The following CADM2 variants were observed in gnomAD, a reference collection of about 807,000 sequenced individuals.
The protein encoded by CADM2 is cell adhesion molecule 2.
Under a neutral mutation model 49.8 loss-of-function variants are expected in CADM2, and 12 were observed. That is an observed-to-expected ratio of 0.24 (90% confidence interval 0.15 to 0.39). CADM2 has a LOEUF of 0.39. Ranked by LOEUF, CADM2 falls within the 10% of genes least tolerant of loss-of-function variation. The pLI is 1.00. For synonymous variants in CADM2, 214 were observed against 175.4 expected (o/e 1.22, Z -1.74); for missense variants, 378 against 492.3 (o/e 0.77, Z 2.20).
intron 1 of CADM2, among the ~76,000 whole-genome samples, chr3:85,147,275 CAAAAAAAAAAAAAAAAAA>C (rs759888985): frequency 4.4e-5 from 2 of 45,964 alleles, no homozygotes; most frequent in Non-Finnish European, 5.1e-5. Flanking sequence ...GACTCTGTCT[CAAAAAAAAAAAAAAAAAA>C]AAAAAAAAAA....
At chr3:85,129,763 A>T (rs1345404207) in intron 1 of CADM2, among the ~76,000 whole-genome samples, 3 of 152,214 alleles carry the variant, frequency 2.0e-5, no homozygotes, top group African/African-American at 7.2e-5. Flanking sequence ...CTGTGATCCC[A>T]CACTTTACGT....
chr3:85,943,150 T>A (rs1329345924), intron 7 of CADM2, among the ~76,000 whole-genome samples: 2 of 151,090 alleles, frequency 1.3e-5, no homozygotes, highest in African/African-American at 4.9e-5. Flanking sequence ...GAAGTGTCTG[T>A]TCATGTCCTT....
intron 1 of CADM2, among the ~76,000 whole-genome samples, chr3:85,318,165 G>A (rs549431891): frequency 7.1e-6 from 1 of 140,622 alleles, no homozygotes; most frequent in African/African-American, 2.9e-5. Context: ...GTGAGACCCT[G>A]TCTCAGAAAA....
chr3:85,628,133 G>A (rs558449975), intron 1 of CADM2, among the ~76,000 whole-genome samples: 3 of 152,050 alleles, frequency 2.0e-5, no homozygotes, highest in South Asian at 2.1e-4. Context: ...ATACTGAATC[G>A]TAATGAATGA....
At chr3:85,940,313 T>C (rs1358833259) in intron 7 of CADM2, among the ~76,000 whole-genome samples, 1 of 151,972 alleles carries the variant, frequency 6.6e-6, no homozygotes, top group Non-Finnish European at 1.5e-5. Flanking sequence ...AACTCCAGAC[T>C]GGGCAACAAG....
chr3:85,086,953 T>C (rs2037405709), intron 1 of CADM2, among the ~76,000 whole-genome samples: 1 of 152,208 alleles, frequency 6.6e-6, no homozygotes, highest in Non-Finnish European at 1.5e-5. Context: ...TTGTACAGTT[T>C]TCTGAGAATC....
At chr3:85,201,656 AC>A (rs2041504759) in intron 1 of CADM2, among the ~76,000 whole-genome samples, 1 of 152,138 alleles carries the variant, frequency 6.6e-6, no homozygotes, top group Non-Finnish European at 1.5e-5. Context: ...ATCCTCTCTA[AC>A]CCTACCACTG....
At chr3:85,508,006 T>C (rs2040434971) in intron 1 of CADM2, among the ~76,000 whole-genome samples, 1 of 152,192 alleles carries the variant, frequency 6.6e-6, no homozygotes, top group Non-Finnish European at 1.5e-5. Flanking sequence ...TCCTTATCAA[T>C]AGTAATGATT....
intron 1 of CADM2, among the ~76,000 whole-genome samples, chr3:85,276,611 C>A (rs992322626): frequency 1.3e-5 from 2 of 150,948 alleles, no homozygotes; most frequent in African/African-American, 4.9e-5. Context: ...AATCACGATA[C>A]TATTAGGCTA....
intron 1 of CADM2, among the ~76,000 whole-genome samples, chr3:85,311,322 G>A (rs941769594): frequency 2.0e-5 from 3 of 150,664 alleles, no homozygotes; most frequent in African/African-American, 7.3e-5. Context: ...ACTTTTGTTT[G>A]GATGCATTGG....
intron 8 of CADM2, among the ~76,000 whole-genome samples, chr3:86,008,640 G>A (rs1731086178): frequency 6.6e-6 from 1 of 151,934 alleles, no homozygotes; most frequent in Non-Finnish European, 1.5e-5. Context: ...GATTTAGAGG[G>A]CTAAATTTTA....
intron 1 of CADM2, among the ~76,000 whole-genome samples, chr3:85,171,401 A>G (rs1183552687): frequency 6.6e-6 from 1 of 152,222 alleles, no homozygotes; most frequent in Admixed American, 6.5e-5. Context: ...TTATTACAGC[A>G]TGACAAAATG....
At chr3:85,300,355 C>A (rs192748315) in intron 1 of CADM2, among the ~76,000 whole-genome samples, 179 of 152,162 alleles carry the variant, frequency 1.2e-3, no homozygotes, top group African/African-American at 4.0e-3. Flanking sequence ...ATTGTTCTTT[C>A]TATTTTTTGT....
intron 1 of CADM2, among the ~76,000 whole-genome samples, chr3:85,575,802 A>G (rs1467369434): frequency 6.6e-6 from 1 of 152,202 alleles, no homozygotes; most frequent in Non-Finnish European, 1.5e-5. Flanking sequence ...TATTACAGAT[A>G]GATTTTAAAA....
chr3:85,957,571 C>A (rs1724216519), intron 7 of CADM2, among the ~76,000 whole-genome samples: 1 of 151,772 alleles, frequency 6.6e-6, no homozygotes, highest in African/African-American at 2.4e-5. Context: ...ATCAGTTTTT[C>A]ATGAGACACC....
At chr3:85,835,469 A>G (rs2074368391) in intron 3 of CADM2, among the ~76,000 whole-genome samples, 1 of 151,240 alleles carries the variant, frequency 6.6e-6, no homozygotes, top group Admixed American at 6.6e-5. Flanking sequence ...TACTGAGTCT[A>G]TAGGCAAAAC....
chr3:85,177,406 G>T (rs984014889), intron 1 of CADM2, among the ~76,000 whole-genome samples: 2 of 151,670 alleles, frequency 1.3e-5, no homozygotes, highest in East Asian at 3.9e-4. Flanking sequence ...TTTATTTAGC[G>T]TTTGAAAGTT....
chr3:85,050,913 A>G (rs1559635623), intron 1 of CADM2, among the ~76,000 whole-genome samples: 1 of 152,196 alleles, frequency 6.6e-6, no homozygotes, highest in Non-Finnish European at 1.5e-5. Context: ...CTGATGACCA[A>G]GGTTGCAGGG....
intron 1 of CADM2, among the ~76,000 whole-genome samples, chr3:85,426,380 C>T (rs2036406614): frequency 6.6e-6 from 1 of 152,076 alleles, no homozygotes; most frequent in South Asian, 2.1e-4. Context: ...GACCCTACTG[C>T]CTCTGCCTCC....
Sources: allele counts gnomAD v4.1 joint callset (sites outside exome capture counted in the v4.1 genomes callset), GRCh38; gene constraint gnomAD v4.1.1; transcripts MANE v1.5; gene names NCBI Gene and HGNC (gene_info 2026-07-23, HGNC 2026-07-21).